Variants in TIAM1 observed in about 807,000 individuals in gnomAD.
The protein encoded by TIAM1 is rho guanine nucleotide exchange factor TIAM1.
Under a neutral mutation model 163.5 loss-of-function variants are expected in TIAM1, and 65 were observed. That is an observed-to-expected ratio of 0.40 (90% confidence interval 0.33 to 0.49). TIAM1 has a LOEUF of 0.49. Among genes scored for constraint, TIAM1 ranks in the 20% least tolerant of loss-of-function variants. The pLI is 0.77. For synonymous variants in TIAM1, 833 were observed against 810.1 expected (o/e 1.03, Z -0.48); for missense variants, 1,789 against 2,044.7 (o/e 0.87, Z 2.41).
chr21:31,464,417 G>T (rs932836914), intron 1 of TIAM1, among the ~76,000 whole-genome samples: 1 of 152,102 alleles, frequency 6.6e-6, no homozygotes, highest in South Asian at 2.1e-4. Context: ...TCTTAAGATG[G>T]TTAAAATTGC....
intron 17 of TIAM1, 40 bp from the exon 18 acceptor site, chr21:31,153,174 AT>A: frequency 1.3e-6 from 2 of 1,499,838 alleles, no homozygotes; most frequent in Non-Finnish European, 1.8e-6. Flanking sequence ...TATGTGTTTT[AT>A]TTTTTATATA....
intron 1 of TIAM1, among the ~76,000 whole-genome samples, chr21:31,482,175 G>A (rs897028466): frequency 1.1e-4 from 16 of 149,200 alleles, no homozygotes; most frequent in African/African-American, 3.0e-4. Context: ...TTTTTGAGTC[G>A]GAATCTTGCT....
chr21:31,157,125 C>A (rs1008087164), intron 16 of TIAM1, among the ~76,000 whole-genome samples: 2 of 152,164 alleles, frequency 1.3e-5, no homozygotes, highest in African/African-American at 4.8e-5. Flanking sequence ...CAGCACATTT[C>A]TGGTCAAAGA....
intron 2 of TIAM1, among the ~76,000 whole-genome samples, chr21:31,305,575 C>T (rs987425636): frequency 2.6e-5 from 4 of 152,172 alleles, no homozygotes; most frequent in South Asian, 4.1e-4. Context: ...TAAAAAGCTG[C>T]CCTCCTAGCT....
chr21:31,223,379 T>C, intron 8 of TIAM1, 27 bp downstream of exon 8: 1 of 1,580,954 alleles, frequency 6.3e-7, no homozygotes, highest in Non-Finnish European at 8.6e-7. Flanking sequence ...CTTAATGTTT[T>C]TCAAAAATTC....
chr21:31,493,908 T>G (rs1004397525), intron 1 of TIAM1, among the ~76,000 whole-genome samples: 1 of 145,324 alleles, frequency 6.9e-6, no homozygotes, highest in Non-Finnish European at 1.5e-5. Flanking sequence ...GGGCAGGAAT[T>G]AGATCTATTT....
intron 2 of TIAM1, among the ~76,000 whole-genome samples, chr21:31,312,071 T>C (rs2074951565): frequency 2.0e-5 from 3 of 152,224 alleles, no homozygotes; most frequent in Admixed American, 2.0e-4. Context: ...TCTTGGGCCT[T>C]CGGCCACAGA....
intron 1 of TIAM1, among the ~76,000 whole-genome samples, chr21:31,555,060 TA>T (rs2048828442): frequency 1.3e-5 from 2 of 152,192 alleles, no homozygotes; most frequent in Non-Finnish European, 2.9e-5. Context: ...CCTTTTACAC[TA>T]GAACATTGTT....
intron 2 of TIAM1, among the ~76,000 whole-genome samples, chr21:31,378,845 G>A (rs573132015): frequency 4.7e-4 from 72 of 152,224 alleles, no homozygotes; most frequent in African/African-American, 1.4e-3. Flanking sequence ...CCTAAATAAT[G>A]CAGTATAACA....
At chr21:31,178,565 C>T (rs988783607) in intron 15 of TIAM1, among the ~76,000 whole-genome samples, 5 of 152,024 alleles carry the variant, frequency 3.3e-5, no homozygotes, top group Non-Finnish European at 5.9e-5. Context: ...CTCGGCCTCC[C>T]GAAGTGCTGG....
intron 1 of TIAM1, among the ~76,000 whole-genome samples, chr21:31,528,149 C>T (rs976402419): frequency 2.0e-5 from 3 of 152,052 alleles, no homozygotes; most frequent in African/African-American, 7.2e-5. Context: ...GGGGGGATGC[C>T]GATCAATGAA....
chr21:31,552,048 CTTTTTTTTT>C (rs200300720), intron 1 of TIAM1, among the ~76,000 whole-genome samples: 2 of 80,116 alleles, frequency 2.5e-5, no homozygotes, highest in South Asian at 6.5e-4. Flanking sequence ...CTCTGCACTA[CTTTTTTTTT>C]TTTTTTTTTT....
chr21:31,246,563 CT>C (rs2071512368), intron 5 of TIAM1, among the ~76,000 whole-genome samples: 1 of 148,286 alleles, frequency 6.7e-6, no homozygotes, highest in Non-Finnish European at 1.5e-5. Flanking sequence ...CACCATTTTC[CT>C]TACCACAAAC....
At chr21:31,360,814 C>T (rs547712837) in intron 2 of TIAM1, among the ~76,000 whole-genome samples, 1 of 152,238 alleles carries the variant, frequency 6.6e-6, no homozygotes, top group South Asian at 2.1e-4. Context: ...GGAGCTTGGC[C>T]ATGCTGGTTT....
intron 12 of TIAM1, among the ~76,000 whole-genome samples, chr21:31,201,026 T>G (rs1218524593): frequency 1.3e-5 from 2 of 152,148 alleles, no homozygotes; most frequent in African/African-American, 2.4e-5. Flanking sequence ...GGGCAAGGCT[T>G]AAAAATAATG....
chr21:31,279,542 C>T (rs1018190178), intron 2 of TIAM1, among the ~76,000 whole-genome samples: 5 of 152,192 alleles, frequency 3.3e-5, no homozygotes, highest in African/African-American at 1.2e-4. Context: ...CGCATCCGGT[C>T]ATATCTTGGC....
At chr21:31,374,177 T>C (rs1168359634) in intron 2 of TIAM1, among the ~76,000 whole-genome samples, 1 of 152,050 alleles carries the variant, frequency 6.6e-6, no homozygotes, top group Non-Finnish European at 1.5e-5. Flanking sequence ...CTGTGAAGAA[T>C]GCCAACACCG....
chr21:31,391,707 T>TA (rs1399354815), intron 2 of TIAM1, among the ~76,000 whole-genome samples: 1 of 152,224 alleles, frequency 6.6e-6, no homozygotes, highest in Non-Finnish European at 1.5e-5. Context: ...TACCTGGACT[T>TA]ACAACTTTTA....
chr21:31,195,141 G>A, intron 13 of TIAM1, 83 bp downstream of exon 13: 1 of 1,122,850 alleles, frequency 8.9e-7, no homozygotes, highest in Non-Finnish European at 1.3e-6. Context: ...GGACTCAAAG[G>A]CATTTTGTTG....
Sources: allele counts gnomAD v4.1 joint callset (sites outside exome capture counted in the v4.1 genomes callset), GRCh38; gene constraint gnomAD v4.1.1; transcripts MANE v1.5; gene names NCBI Gene and HGNC (gene_info 2026-07-23, HGNC 2026-07-21).